DOCK4: variants seen among roughly 807,000 people sequenced by gnomAD.
DOCK4 encodes the protein dedicator of cytokinesis protein 4.
DOCK4 carries 97 observed loss-of-function variants against 268.1 expected under a neutral mutation model. The ratio of observed to expected loss-of-function variants is 0.36; its 90% CI spans 0.31 to 0.43. DOCK4 has a LOEUF of 0.43. Ranked by LOEUF, DOCK4 falls within the 20% of genes least tolerant of loss-of-function variation. The pLI, the probability that DOCK4 is intolerant of heterozygous loss-of-function variation, is 1.00. For synonymous variants in DOCK4, 954 were observed against 887.2 expected (o/e 1.08, Z -1.34); for missense variants, 2,145 against 2,455.7 (o/e 0.87, Z 2.67).
intron 1 of DOCK4, among the ~76,000 whole-genome samples, chr7:112,060,789 A>G (rs1806317365): frequency 6.6e-6 from 1 of 152,172 alleles, no homozygotes; most frequent in Non-Finnish European, 1.5e-5. Context: ...AGAAAATACA[A>G]TGGAGGTTGC....
chr7:112,065,131 T>G (rs1159248756), intron 1 of DOCK4, among the ~76,000 whole-genome samples: 4 of 152,186 alleles, frequency 2.6e-5, no homozygotes. Flanking sequence ...ATTCTGCCAG[T>G]TACCAGCTGG....
At chr7:111,823,204 C>CT (rs917904625) in intron 26 of DOCK4, among the ~76,000 whole-genome samples, 22,013 of 116,102 alleles carry the variant, frequency 0.19, 2,486 homozygotes, top group East Asian at 0.43. Context: ...GGAAATATTA[C>CT]TTTTTTTTTT....
chr7:112,061,900 T>C (rs1806445247), intron 1 of DOCK4, among the ~76,000 whole-genome samples: 1 of 152,162 alleles, frequency 6.6e-6, no homozygotes, highest in Non-Finnish European at 1.5e-5. Context: ...AATGGAAATG[T>C]TTTATTGACT....
intron 42 of DOCK4, among the ~76,000 whole-genome samples, chr7:111,751,480 T>C (rs753446674): frequency 9.8e-5 from 15 of 152,314 alleles, no homozygotes; most frequent in Admixed American, 3.9e-4. Context: ...TCACTTGTTC[T>C]GTTGCCCAGG....
At chr7:112,041,382 A>C (rs1459542055) in intron 1 of DOCK4, among the ~76,000 whole-genome samples, 4 of 152,204 alleles carry the variant, frequency 2.6e-5, no homozygotes, top group African/African-American at 9.6e-5. Flanking sequence ...CACAACCTTT[A>C]ACAGATTTTT....
At position 111,991,111 on chromosome 7, in the gene DOCK4, T is replaced by C. The variant is rs139583088; in HGVS notation, c.316-1948A>G. On this transcript the variant is annotated intron_variant, in intron 5 of 52. Transcript: ENST00000428084. ...CACCTGCCTGCTCTTGGGAAAGGCG[T>C]TCTGTAGTTGTTTAGTAGGATGGAC... Among the ~76,000 whole-genome samples the C allele has an allele frequency of 9.1e-3, 1,387 of 152,304 alleles. 12 individuals carry two copies. The highest frequency in any genetic ancestry group is 0.029 in the South Asian group (142 of 4,828).
intron 12 of DOCK4, among the ~76,000 whole-genome samples, chr7:111,929,645 C>T (rs1023627695): frequency 3.3e-5 from 5 of 152,178 alleles, no homozygotes; most frequent in African/African-American, 4.8e-5. Flanking sequence ...AAAAAGCCTC[C>T]TTTCACCTCA....
intron 1 of DOCK4, among the ~76,000 whole-genome samples, chr7:112,168,896 C>T (rs145721774): frequency 6.6e-6 from 1 of 152,132 alleles, no homozygotes; most frequent in Non-Finnish European, 1.5e-5. Context: ...CTAAGCATGG[C>T]CAACTTAAAA....
chr7:112,138,240 A>T (rs563272670), intron 1 of DOCK4, among the ~76,000 whole-genome samples: 1 of 152,274 alleles, frequency 6.6e-6, no homozygotes, highest in Admixed American at 6.5e-5. Flanking sequence ...TGTCACCTTG[A>T]CTATAGTTTT....
chr7:111,762,273 T>A (rs1306779407), intron 39 of DOCK4, among the ~76,000 whole-genome samples: 1 of 152,212 alleles, frequency 6.6e-6, no homozygotes, highest in Non-Finnish European at 1.5e-5. Context: ...TCAGTGGTTT[T>A]TAGTATATTT....
At chr7:111,980,347 T>C (rs565684777) in intron 7 of DOCK4, among the ~76,000 whole-genome samples, 3 of 152,336 alleles carry the variant, frequency 2.0e-5, no homozygotes, top group African/African-American at 7.2e-5. Flanking sequence ...TGTGAAAGTA[T>C]TATTACAATC....
chr7:112,056,366 T>G (rs1805818869), intron 1 of DOCK4, among the ~76,000 whole-genome samples: 3 of 152,156 alleles, frequency 2.0e-5, no homozygotes, highest in African/African-American at 7.2e-5. Context: ...TTAAATATGC[T>G]AAATGTACTA....
rs1272979377 is a variant in DOCK4, at chr7:111,732,310, C to T, written c.5420-23G>A. Reference sequence around the variant, plus strand: ...AAGCTGTCAATGGGGAGAGAGATAACATTTCAATTAAGAAAAACCAGACGA... The same window carrying T: ...AAGCTGTCAATGGGGAGAGAGATAATATTTCAATTAAGAAAAACCAGACGA... On this transcript the variant is annotated intron_variant, in intron 51 of 52. Transcript: ENST00000428084. 3.7e-6 allele frequency: 6 copies of T among 1,613,006 alleles called. No homozygotes were observed. In the African/African-American group the frequency reaches 5.3e-5, roughly 14 times the overall value.
At chr7:111,901,881 G>A in intron 13 of DOCK4, 80 bp from the exon 14 acceptor site, 1 of 1,085,154 alleles carries the variant, frequency 9.2e-7, no homozygotes, top group Non-Finnish European at 1.3e-6. Context: ...AAAAACTTTA[G>A]TTTATACAAT....
intron 1 of DOCK4, among the ~76,000 whole-genome samples, chr7:112,018,663 C>T (rs906285115): frequency 6.6e-6 from 1 of 152,054 alleles, no homozygotes; most frequent in Non-Finnish European, 1.5e-5. Context: ...TTAAAAGAAA[C>T]TTGAAAAAAA....
chr7:112,016,493 G>A (rs1320567991), intron 1 of DOCK4, among the ~76,000 whole-genome samples: 2 of 152,184 alleles, frequency 1.3e-5, no homozygotes, highest in African/African-American at 4.8e-5. Flanking sequence ...TAAGTAACAA[G>A]TATCTTAAGG....
chr7:112,165,867 C>T (rs986936094), intron 1 of DOCK4, among the ~76,000 whole-genome samples: 1 of 152,076 alleles, frequency 6.6e-6, no homozygotes, highest in Admixed American at 6.6e-5. Context: ...ATCCTCGTCA[C>T]GTTTCCCATC....
chr7:111,794,035 G>A (rs879590235), intron 30 of DOCK4, among the ~76,000 whole-genome samples: 1 of 152,068 alleles, frequency 6.6e-6, no homozygotes, highest in Non-Finnish European at 1.5e-5. Flanking sequence ...GCTTTATTTT[G>A]TATAAAAATA....
At chr7:112,100,238 T>TA (rs1458535788) in intron 1 of DOCK4, among the ~76,000 whole-genome samples, 2 of 152,354 alleles carry the variant, frequency 1.3e-5, no homozygotes, top group East Asian at 3.9e-4. Context: ...TAGGTAACTC[T>TA]AAAAAATAAC....
Sources: allele counts gnomAD v4.1 joint callset (sites outside exome capture counted in the v4.1 genomes callset), GRCh38; gene constraint gnomAD v4.1.1; transcripts MANE v1.5; gene names NCBI Gene and HGNC (gene_info 2026-07-23, HGNC 2026-07-21).